The following EYS variants were observed in gnomAD, a reference collection of about 807,000 sequenced individuals.
The protein encoded by EYS is EGF-like photoreceptor maintenance factor.
Under a neutral mutation model 282.1 loss-of-function variants are expected in EYS, and 250 were observed. The ratio of observed to expected loss-of-function variants is 0.89; its 90% confidence interval spans 0.80 to 0.98. The LOEUF is 0.98. Among genes scored for constraint, EYS ranks in the 50% least tolerant of loss-of-function variants. The probability of loss-of-function intolerance (pLI) is 0.00; values close to 1 mark genes in which losing one functional copy is unlikely to be tolerated. For missense variants in EYS, 4,016 were observed against 3,709.0 expected, an observed-to-expected ratio of 1.08 and a Z score of -2.15; for synonymous variants, 1,355 against 1,282.9, an observed-to-expected ratio of 1.06 and a Z score of -1.20.
At chr6:64,238,787 T>A (rs1188622650) in intron 30 of EYS, among the ~76,000 whole-genome samples, 1 of 152,164 alleles carries the variant, frequency 6.6e-6, no homozygotes, top group Admixed American at 6.6e-5. Flanking sequence ...AGTTCTAGGG[T>A]ATATGTGCAG....
intron 35 of EYS, among the ~76,000 whole-genome samples, chr6:63,888,109 G>C (rs887305225): frequency 6.6e-6 from 1 of 152,186 alleles, no homozygotes; most frequent in East Asian, 1.9e-4. Context: ...TCTGGGAAGG[G>C]CATCTCTGAA....
chr6:65,085,603 A>T (rs542124549), intron 12 of EYS, among the ~76,000 whole-genome samples: 3 of 152,120 alleles, frequency 2.0e-5, no homozygotes, highest in African/African-American at 7.2e-5. Context: ...GCCCAGAAAA[A>T]TTCAAGGTAA....
chr6:64,236,762 T>C (rs1247429314), intron 30 of EYS, among the ~76,000 whole-genome samples: 1 of 150,840 alleles, frequency 6.6e-6, no homozygotes, highest in Non-Finnish European at 1.5e-5. Flanking sequence ...GTTTTTTTAA[T>C]TTTTTAATTT....
At chr6:64,797,208 T>G (rs1774379478) in intron 22 of EYS, among the ~76,000 whole-genome samples, 1 of 151,860 alleles carries the variant, frequency 6.6e-6, no homozygotes, top group South Asian at 2.1e-4. Flanking sequence ...TGGGATCAGA[T>G]GTGAGGAAAG....
At chr6:65,266,939 G>T (rs1767770634) in intron 12 of EYS, among the ~76,000 whole-genome samples, 1 of 139,998 alleles carries the variant, frequency 7.1e-6, no homozygotes, top group African/African-American at 2.6e-5. Flanking sequence ...CACAAACATT[G>T]ATATATATAT....
intron 33 of EYS, among the ~76,000 whole-genome samples, chr6:64,005,286 C>A (rs1768290046): frequency 6.6e-6 from 1 of 152,076 alleles, no homozygotes; most frequent in Non-Finnish European, 1.5e-5. Context: ...CTGTTAAGTT[C>A]TGTTAAGTTC....
chr6:63,999,028 T>A, intron 34 of EYS, 47 bp downstream of exon 34: 1 of 1,141,564 alleles, frequency 8.8e-7, no homozygotes, highest in Non-Finnish European at 1.3e-6. Flanking sequence ...TTATCTGAAA[T>A]ACTGAGGGCA....
intron 18 of EYS, 54 bp from the exon 19 acceptor site, chr6:64,886,896 TTA>T: frequency 1.0e-6 from 1 of 1,001,062 alleles, no homozygotes; most frequent in Non-Finnish European, 1.4e-6. Context: ...TAATCATTTA[TTA>T]TATATGATTC....
chr6:64,979,774 T>C (rs1435278316), intron 14 of EYS, among the ~76,000 whole-genome samples: 1 of 151,630 alleles, frequency 6.6e-6, no homozygotes, highest in East Asian at 1.9e-4. Context: ...GAGAAGTGTT[T>C]AAGCAATATA....
chr6:64,402,357 T>C (rs1407381022), intron 28 of EYS, among the ~76,000 whole-genome samples: 5 of 152,252 alleles, frequency 3.3e-5, no homozygotes, highest in Non-Finnish European at 5.9e-5. Context: ...GATTTCTTAA[T>C]AAAACTTAGG....
chr6:64,883,368 T>A lies in EYS; in HGVS notation c.2992+3329A>T, dbSNP rs1486606253. Among the ~76,000 whole-genome samples, 4 of 151,496 alleles carry A rather than the reference T, an allele frequency of 2.6e-5. No individual in the cohort carries two copies. The South Asian group carries it at 6.2e-4, about 24-fold the overall frequency. ...TATTGAATTGTATATGTTTTCTACATGGCATTATTATCAAAGTTATTATTT... is the reference window on the plus strand; with the variant it reads ...TATTGAATTGTATATGTTTTCTACAAGGCATTATTATCAAAGTTATTATTT... On this transcript the variant is annotated intron_variant, in intron 19 of 42. Coordinates refer to ENST00000503581, the MANE Select transcript of EYS (RefSeq NM_001142800.2).
intron 26 of EYS, among the ~76,000 whole-genome samples, chr6:64,511,872 A>C (rs190203812): frequency 1.8e-4 from 27 of 152,102 alleles, no homozygotes; most frequent in Non-Finnish European, 2.6e-4. Flanking sequence ...TGAAAATCAG[A>C]TGCTAGCTTC....
intron 2 of EYS, among the ~76,000 whole-genome samples, chr6:65,575,650 A>G (rs1764637920): frequency 6.6e-6 from 1 of 151,936 alleles, no homozygotes; most frequent in South Asian, 2.1e-4. Context: ...AATCAACCAA[A>G]TTAAAATTTG....
intron 28 of EYS, among the ~76,000 whole-genome samples, chr6:64,426,209 C>A (rs1413514317): frequency 6.6e-6 from 1 of 152,166 alleles, no homozygotes; most frequent in Non-Finnish European, 1.5e-5. Context: ...ACATGAAGGT[C>A]GTATAGAGTG....
intron 19 of EYS, among the ~76,000 whole-genome samples, chr6:64,856,996 C>T (rs555402651): frequency 6.6e-6 from 1 of 151,972 alleles, no homozygotes; most frequent in East Asian, 1.9e-4. Context: ...TTAATTATTC[C>T]TTGTGGATGT....
chr6:64,723,874 A>C (rs540064086), intron 22 of EYS, among the ~76,000 whole-genome samples: 1 of 152,174 alleles, frequency 6.6e-6, no homozygotes, highest in Admixed American at 6.5e-5. Flanking sequence ...TAGCCTCATC[A>C]CTGCACTGTG....
At chr6:65,650,546 G>C (rs140032485) in intron 1 of EYS, among the ~76,000 whole-genome samples, 1 of 152,124 alleles carries the variant, frequency 6.6e-6, no homozygotes, top group African/African-American at 2.4e-5. Flanking sequence ...TGGCTTTACT[G>C]TCATTTATGT....
chr6:65,065,462 A>C (rs1773717647), intron 12 of EYS, among the ~76,000 whole-genome samples: 1 of 149,940 alleles, frequency 6.7e-6, no homozygotes, highest in African/African-American at 2.5e-5. Flanking sequence ...TGCTCATTGC[A>C]AGCTCCACCT....
At chr6:65,171,465 T>G (rs940596113) in intron 12 of EYS, among the ~76,000 whole-genome samples, 1 of 151,554 alleles carries the variant, frequency 6.6e-6, no homozygotes, top group African/African-American at 2.4e-5. Context: ...CAGTATGCTA[T>G]TCATACTTAT....
Sources: allele counts gnomAD v4.1 joint callset (sites outside exome capture counted in the v4.1 genomes callset), GRCh38; gene constraint gnomAD v4.1.1; transcripts MANE v1.5; gene names NCBI Gene and HGNC (gene_info 2026-07-23, HGNC 2026-07-21).